Variants in NEIL2 observed in about 807,000 individuals in gnomAD.
NEIL2 encodes the protein nei like DNA glycosylase 2, also known as endonuclease 8-like 2.
NEIL2 carries 23 observed loss-of-function variants against 22.2 expected under a neutral mutation model. The ratio of observed to expected loss-of-function variants is 1.04; its 90% CI spans 0.75 to 1.47. NEIL2 has a LOEUF of 1.47. NEIL2 is among the 40% of genes most tolerant of loss of function. The pLI, the probability that NEIL2 is intolerant of heterozygous loss-of-function variation, is 0.00. For synonymous variants in NEIL2, 229 were observed against 164.8 expected (o/e 1.39, Z -2.99); for missense variants, 583 against 404.7 (o/e 1.44, Z -3.78).
At chr8:11,782,482 C>T (rs8180912) in intron 3 of NEIL2, 29,825 of 154,756 alleles carry the variant, frequency 0.19, 3,434 homozygotes, top group East Asian at 0.45. Context: ...TACCAAACAT[C>T]TGGGCTTAGC....
intron 1 of NEIL2, among the ~76,000 whole-genome samples, chr8:11,770,716 C>G (rs1377586835): frequency 6.6e-6 from 1 of 152,110 alleles, no homozygotes; most frequent in African/African-American, 2.4e-5. Flanking sequence ...CCCGGGTGTA[C>G]ACCACTCAGA....
intron 1 of NEIL2, among the ~76,000 whole-genome samples, chr8:11,770,583 C>T (rs182022157): frequency 4.6e-5 from 7 of 152,248 alleles, no homozygotes; most frequent in Admixed American, 4.6e-4. Context: ...TAATAGCTAC[C>T]CCCTGCCCGA....
At chr8:11,779,291 AT>A (rs1343780694) in intron 2 of NEIL2, among the ~76,000 whole-genome samples, 1 of 152,206 alleles carries the variant, frequency 6.6e-6, no homozygotes, top group African/African-American at 2.4e-5. Context: ...ACTTATGTTC[AT>A]TTCTTAGCTA....
intron 3 of NEIL2, among the ~76,000 whole-genome samples, chr8:11,782,429 A>G (rs1171483816): frequency 1.3e-5 from 2 of 152,174 alleles, no homozygotes; most frequent in African/African-American, 4.8e-5. Context: ...CCATCTCAAA[A>G]AAAACACATT....
At position 11,779,823 on chromosome 8, in the gene NEIL2, G is replaced by GC. The variant is rs1563259358; in HGVS notation, c.368dup (p.Ala124CysfsTer56). On this transcript the variant is annotated frameshift_variant, in exon 3 of 5. Transcript: ENST00000284503. LOFTEE classifies it high-confidence loss of function. ...TGATTCTGAGTATTTGGAGAGAGAC[G>GC]CCCCTGCAGGAGATGCTGGGAGGTG... 6.2e-7 allele frequency: 1 copy of GC among 1,614,142 alleles called. No individual in the cohort carries two copies. The highest frequency in any genetic ancestry group is 8.5e-7 in the Non-Finnish European group (1 of 1,179,994).
At position 11,771,310 on chromosome 8, in the gene NEIL2, T is replaced by C. The variant is rs1021528797; in HGVS notation, c.-2-136T>C. On this transcript the variant is annotated intron_variant, in intron 1 of 4. Transcript: ENST00000284503. Reference sequence around the variant, plus strand: ...TGATCTGACCGCCTCCCAGCCACACTCCCTTTTTGGCCATGCTTGCTCTTA... The same window carrying C: ...TGATCTGACCGCCTCCCAGCCACACCCCCTTTTTGGCCATGCTTGCTCTTA... 4.7e-6 allele frequency: 5 copies of C among 1,054,674 alleles called. No individual in the cohort carries two copies. In the African/African-American group the frequency reaches 7.8e-5, roughly 16 times the overall value. The allele number at this position is 1,054,674 out of a possible 1,614,324, so 65.3% of individuals were successfully genotyped here. A position where few individuals can be genotyped will look rare whatever the true frequency, so the allele number is the denominator to read the frequency against.
At chr8:11,772,999 A>G (rs546619348) in intron 2 of NEIL2, among the ~76,000 whole-genome samples, 1 of 152,114 alleles carries the variant, frequency 6.6e-6, no homozygotes, top group South Asian at 2.1e-4. Context: ...CCCTGTACCC[A>G]TAGTTGATTC....
At chr8:11,777,029 C>G (rs1166881989) in intron 2 of NEIL2, among the ~76,000 whole-genome samples, 1 of 152,200 alleles carries the variant, frequency 6.6e-6, no homozygotes, top group Admixed American at 6.5e-5. Flanking sequence ...TATGTCCCCT[C>G]AGCTGGGCAC....
intron 3 of NEIL2, among the ~76,000 whole-genome samples, chr8:11,781,326 T>C (rs966479735): frequency 6.6e-6 from 1 of 152,190 alleles, no homozygotes; most frequent in African/African-American, 2.4e-5. Context: ...GGCTTCCTGT[T>C]TTTGTGATTC....
In NEIL2 at chr8:11,786,493, A is replaced by G; in HGVS notation, c.*220A>G. The G allele has an allele frequency of 1.7e-6, 1 of 594,904 alleles. No individual in the cohort carries two copies. The highest frequency in any genetic ancestry group is 3.0e-6 in the Non-Finnish European group (1 of 333,994). The allele number at this position is 594,904 out of a possible 1,614,324, so 36.9% of individuals were successfully genotyped here. A position where few individuals can be genotyped will look rare whatever the true frequency, so the allele number is the denominator to read the frequency against. On this transcript the variant is annotated 3_prime_UTR_variant, in exon 5 of 5. Coordinates refer to ENST00000284503, the MANE Select transcript of NEIL2 (RefSeq NM_145043.4). ...TAGTTCAGTTAATTCATCCTGTTGA[A>G]TTGCACCATCGTGAAAGATGGGAAA...
chr8:11,781,847 C>G (rs1281852434), intron 3 of NEIL2, among the ~76,000 whole-genome samples: 1 of 151,850 alleles, frequency 6.6e-6, no homozygotes, highest in Admixed American at 6.6e-5. Flanking sequence ...ATCACTTGAG[C>G]CCAGGAGTAA....
chr8:11,786,624 G>A lies in NEIL2; in HGVS notation c.*351G>A, dbSNP rs1220056683. The A allele has an allele frequency of 8.5e-6, 2 of 235,560 alleles. No individual in the cohort carries two copies. The highest frequency in any genetic ancestry group is 5.9e-5 in the African/African-American group (2 of 33,746). The allele number at this position is 235,560 out of a possible 1,614,324, so 14.6% of individuals were successfully genotyped here. A position where few individuals can be genotyped will look rare whatever the true frequency, so the allele number is the denominator to read the frequency against. The stretch of plus-strand genomic sequence containing the variant: ...CTCCCAACATAGCTTTGCAGATGAT[G>A]TGGGTTTTTTTTTTTTTTTTGGTTG... On this transcript the variant is annotated 3_prime_UTR_variant, in exon 5 of 5. Coordinates refer to ENST00000284503, the MANE Select transcript of NEIL2 (RefSeq NM_145043.4).
chr8:11,780,775 G>A (rs1804348155), intron 3 of NEIL2, among the ~76,000 whole-genome samples: 1 of 152,200 alleles, frequency 6.6e-6, no homozygotes, highest in African/African-American at 2.4e-5. Context: ...ATTCCCAGAG[G>A]AGTAATTGCT....
At chr8:11,775,858 C>G (rs983191960) in intron 2 of NEIL2, among the ~76,000 whole-genome samples, 1 of 152,214 alleles carries the variant, frequency 6.6e-6, no homozygotes, top group African/African-American at 2.4e-5. Flanking sequence ...ACCTTATTGT[C>G]CATATCACTA....
intron 2 of NEIL2, among the ~76,000 whole-genome samples, chr8:11,773,268 C>G (rs549970595): frequency 6.6e-6 from 1 of 152,098 alleles, no homozygotes. Flanking sequence ...TGAAGGAACC[C>G]GTAGACGGGA....
chr8:11,771,829 C>A (rs968152612), intron 2 of NEIL2, among the ~76,000 whole-genome samples: 1 of 152,156 alleles, frequency 6.6e-6, no homozygotes, highest in South Asian at 2.1e-4. Flanking sequence ...CTGGAGTGCT[C>A]CTATTCTCTC....
chr8:11,774,946 G>A (rs796296213), intron 2 of NEIL2, among the ~76,000 whole-genome samples: 11 of 152,346 alleles, frequency 7.2e-5, no homozygotes, highest in East Asian at 3.9e-4. Context: ...GGTACAGTCC[G>A]TCATCCTGGC....
Position 11,783,342 on chromosome 8 carries a change from G to C in NEIL2, c.631G>C (p.Gly211Arg). 1 of 1,614,200 alleles carries C rather than the reference G, an allele frequency of 6.2e-7. No homozygotes were observed. The highest frequency in any genetic ancestry group is 8.5e-7 in the Non-Finnish European group (1 of 1,180,038). The change falls in exon 4 of 5, where the codon GGC (glycine) becomes CGC (arginine). Residue 211 changes from glycine (G) to arginine (R), a missense_variant. Transcript: ENST00000284503. Reference protein sequence around the residue: ...FHRGQALEALGQAQPVCYTLL... With the variant: ...FHRGQALEALRQAQPVCYTLL... ...TCGAGGACAAGCCTTAGAAGCTCTA[G>C]GCCAGGCTCAGCCTGTCTGCTATAC...
At chr8:11,772,752 T>TAGCCGTGTGCTCTTA (rs1022478776) in intron 2 of NEIL2, among the ~76,000 whole-genome samples, 2 of 152,194 alleles carry the variant, frequency 1.3e-5, no homozygotes, top group Non-Finnish European at 2.9e-5. Flanking sequence ...TGCTGCTGCT[T>TAGCCGTGTGCTCTTA]AGCCGTGTGC....
Sources: allele counts gnomAD v4.1 joint callset (sites outside exome capture counted in the v4.1 genomes callset), GRCh38; gene constraint gnomAD v4.1.1; transcripts MANE v1.5; gene names NCBI Gene and HGNC (gene_info 2026-07-23, HGNC 2026-07-21).